NAT10: variants seen among roughly 807,000 people sequenced by gnomAD.
NAT10 encodes N-acetyltransferase 10.
A neutral mutation model predicts 132.2 loss-of-function variants in NAT10; 109 were observed. The observed-to-expected ratio is 0.82, with a 90% CI of 0.71 to 0.97. The LOEUF is 0.97. Ranked by LOEUF, NAT10 falls within the 50% of genes least tolerant of loss-of-function variation. The pLI, the probability that NAT10 is intolerant of heterozygous loss-of-function variation, is 0.00. For synonymous variants in NAT10, 479 were observed against 478.0 expected (o/e 1.00, Z -0.03); for missense variants, 1,184 against 1,263.4 (o/e 0.94, Z 0.95).
chr11:34,109,665 A>G (rs1442647055), intron 3 of NAT10, among the ~76,000 whole-genome samples: 1 of 152,206 alleles, frequency 6.6e-6, no homozygotes, highest in Non-Finnish European at 1.5e-5. Flanking sequence ...TTTCAACACA[A>G]ATACAATTTG....
intron 3 of NAT10, among the ~76,000 whole-genome samples, chr11:34,111,300 C>T (rs1851690099): frequency 6.6e-6 from 1 of 152,212 alleles, no homozygotes. Flanking sequence ...GAGACAAACT[C>T]ACCCACTGCC....
chr11:34,109,830 T>A (rs1851661486), intron 3 of NAT10, among the ~76,000 whole-genome samples: 1 of 152,224 alleles, frequency 6.6e-6, no homozygotes, highest in Admixed American at 6.5e-5. Context: ...ACCAACTTTC[T>A]CACTGCAGAC....
chr11:34,141,671 C>T, intron 25 of NAT10, 48 bp from the exon 26 acceptor site: 1 of 1,561,026 alleles, frequency 6.4e-7, no homozygotes. Context: ...GTGACTGGGT[C>T]CCTGCTGCTC....
chr11:34,133,066 C>T lies in NAT10; in HGVS notation c.1658C>T (p.Ala553Val). ...CTCCAGATGCTCTCCGATGCACCTG[C>T]TCACCATCTCTTCTGCCTTCTGCCT... ...NDLQMLSDAP[A>V]HHLFCLLPPV... is the part of the protein sequence containing the mutation. The change falls in exon 16 of 29, where the codon GCT (alanine) becomes GTT (valine). Residue 553 changes from alanine to valine, a missense_variant. Coordinates refer to ENST00000257829, the MANE Select transcript of NAT10 (RefSeq NM_024662.3). The T allele has an allele frequency of 6.2e-7, 1 of 1,614,184 alleles. No homozygotes were observed. The highest frequency in any genetic ancestry group is 1.6e-4 in the Middle Eastern group (1 of 6,062).
At position 34,132,119 on chromosome 11, in the gene NAT10, A is replaced by G. The variant is rs1338479495; in HGVS notation, c.1521-6A>G. ...TTTTGTTTTGGTTTCTTAACTCCAG[A>G]CCCAGGTACTATGTTAATAGAGATA... On this transcript the variant is annotated splice_region_variant and splice_polypyrimidine_tract_variant and intron_variant, in intron 14 of 28. Coordinates refer to ENST00000257829, the MANE Select transcript of NAT10 (RefSeq NM_024662.3). 1.2e-6 allele frequency: 2 copies of G among 1,609,812 alleles called. No homozygotes were observed. Among genetic ancestry groups the G allele is most frequent in the African/African-American group, 2.7e-5 (2 of 74,810 alleles).
At chr11:34,143,378 G>A (rs1852375680) in intron 27 of NAT10, 67 bp from the exon 28 acceptor site, 4 of 1,369,164 alleles carry the variant, frequency 2.9e-6, no homozygotes, top group Middle Eastern at 1.8e-4. Flanking sequence ...TGTCACTGTC[G>A]TTATTTTCTC....
At chr11:34,135,385 T>C in intron 19 of NAT10, 94 bp downstream of exon 19, 1 of 942,776 alleles carries the variant, frequency 1.1e-6, no homozygotes, top group South Asian at 1.5e-5. Context: ...GTCCAGAGCT[T>C]TGGACCCCTC....
At position 34,115,898 on chromosome 11, in the gene NAT10, TCC is replaced by T. The variant is rs1851775541; in HGVS notation, c.557+19_557+20del. 6.2e-7 allele frequency: 1 copy of T among 1,613,410 alleles called. No individual in the cohort carries two copies. Among genetic ancestry groups the T allele is most frequent in the Non-Finnish European group, 8.5e-7 (1 of 1,179,674 alleles). On this transcript the variant is annotated intron_variant, in intron 6 of 28. Coordinates refer to ENST00000257829, the MANE Select transcript of NAT10 (RefSeq NM_024662.3). ...ATTTAATGAAAGGTAATTCTATAGT[TCC>T]CCCCAATTGTGGGGCAGCCACATTG...
At chr11:34,136,570 G>A in intron 19 of NAT10, 72 bp from the exon 20 acceptor site, 1 of 1,589,300 alleles carries the variant, frequency 6.3e-7, no homozygotes. Flanking sequence ...AGAGTGCGCT[G>A]CGGCAGGGTG....
chr11:34,107,332 A>G (rs965147850), intron 1 of NAT10: 16 of 152,220 alleles, frequency 1.1e-4, no homozygotes, highest in Admixed American at 7.2e-4. Context: ...CTGTCTGTAC[A>G]AAGGCTTCAA....
Position 34,105,812 on chromosome 11 carries a change from C to T in NAT10, c.-16+20C>T, listed in dbSNP as rs1851584233. ...GCGCAGGTACCCAACGCGGGAGGGC[C>T]GGGTATGGATGCCAAGATCGGTGTC... On this transcript the variant is annotated intron_variant, in intron 1 of 28. Coordinates refer to ENST00000257829, the MANE Select transcript of NAT10 (RefSeq NM_024662.3). The T allele has an allele frequency of 6.6e-6, 1 of 152,384 alleles. No individual in the cohort carries two copies. The highest frequency in any genetic ancestry group is 1.5e-5 in the Non-Finnish European group (1 of 68,146). The allele number at this position is 152,384 out of a possible 1,614,324, so 9.4% of individuals were successfully genotyped here.
chr11:34,141,681 C>T (rs184350960), intron 25 of NAT10, 38 bp from the exon 26 acceptor site: 9 of 1,596,346 alleles, frequency 5.6e-6, no homozygotes, highest in Middle Eastern at 1.7e-4. Flanking sequence ...CCCTGCTGCT[C>T]CTTCATCTTC....
intron 5 of NAT10, among the ~76,000 whole-genome samples, 167 bp from the exon 6 acceptor site, chr11:34,115,656 T>A (rs1851772216): frequency 6.6e-6 from 1 of 152,256 alleles, no homozygotes; most frequent in African/African-American, 2.4e-5. Context: ...GCATTCAGTG[T>A]CTGATCCCAG....
At chr11:34,110,926 G>A (rs1851683370) in intron 3 of NAT10, among the ~76,000 whole-genome samples, 1 of 152,196 alleles carries the variant, frequency 6.6e-6, no homozygotes, top group South Asian at 2.1e-4. Context: ...TTACAGGGAT[G>A]TAGTTTTGAA....
intron 8 of NAT10, 25 bp downstream of exon 8, chr11:34,118,528 A>G (rs1379179412): frequency 1.9e-6 from 3 of 1,585,858 alleles, no homozygotes; most frequent in African/African-American, 2.7e-5. Context: ...CAGCACTTCC[A>G]ACACAAAGGT....
At chr11:34,136,143 G>C (rs979611458) in intron 19 of NAT10, among the ~76,000 whole-genome samples, 1 of 150,880 alleles carries the variant, frequency 6.6e-6, no homozygotes, top group African/African-American at 2.4e-5. Flanking sequence ...GTGTAATGGC[G>C]TGATCTCAGC....
chr11:34,106,712 C>T (rs116436927), intron 1 of NAT10, among the ~76,000 whole-genome samples: 3 of 152,170 alleles, frequency 2.0e-5, no homozygotes, highest in African/African-American at 4.8e-5. Context: ...TTCTGTCTGT[C>T]GTTTTTCTGC....
intron 5 of NAT10, among the ~76,000 whole-genome samples, chr11:34,115,319 C>T (rs1046118187): frequency 6.6e-6 from 1 of 152,194 alleles, no homozygotes; most frequent in Non-Finnish European, 1.5e-5. Context: ...TTCTTCCTCT[C>T]CCTCTGACAT....
Position 34,143,433 on chromosome 11 carries a change from T to C in NAT10, c.2886-12T>C. On this transcript the variant is annotated splice_polypyrimidine_tract_variant and intron_variant, in intron 27 of 28. Transcript: ENST00000257829. ...TTCTAGCAGGCTTTGATAGTTCCCT[T>C]CTTTTTTTTAGATACATAATCCGTG... 3.1e-6 allele frequency: 5 copies of C among 1,612,062 alleles called. No homozygotes were observed. The highest frequency in any genetic ancestry group is 1.7e-5 in the Admixed American group (1 of 59,812).
Sources: gnomAD v4.1 joint callset for allele counts (sites outside exome capture counted in the v4.1 genomes callset) on GRCh38, gnomAD v4.1.1 for gene constraint, MANE v1.5 for transcripts, NCBI Gene and HGNC (gene_info 2026-07-23, HGNC 2026-07-21) for gene names.